The following BPIFB3 variants were observed in gnomAD, a reference collection of about 807,000 sequenced individuals.
BPIFB3 encodes BPI fold-containing family B member 3.
Under a neutral mutation model 53.1 loss-of-function variants are expected in BPIFB3, and 49 were observed. The ratio of observed to expected loss-of-function variants is 0.92; its 90% CI spans 0.73 to 1.17. The LOEUF (loss-of-function observed/expected upper bound fraction) is 1.17. Ranked by LOEUF, BPIFB3 falls within the 50% of genes most tolerant of loss-of-function variation. BPIFB3 has a pLI of 0.00. For missense variants in BPIFB3, 628 were observed against 592.5 expected (o/e 1.06, Z -0.62); for synonymous variants, 271 against 269.6 (o/e 1.01, Z -0.05).
intron 9 of BPIFB3, 63 bp downstream of exon 10, chr20:33,066,940 C>A: frequency 6.5e-7 from 1 of 1,544,982 alleles, no homozygotes; most frequent in Non-Finnish European, 8.9e-7. Flanking sequence ...TGAATGGAGT[C>A]CAGAATCTTT....
At position 33,069,852 on chromosome 20, in the gene BPIFB3, G is replaced by T. The variant is rs41289874; in HGVS notation, c.1150-36G>T. Reference sequence around the variant, plus strand: ...GACCCGTCCTCAAGCTCCTTCTGCCGATTGGGGGTGACTTCTGCCTGCTTT... The same window carrying T: ...GACCCGTCCTCAAGCTCCTTCTGCCTATTGGGGGTGACTTCTGCCTGCTTT... On this transcript the variant is annotated intron_variant, in intron 10 of 14. Transcript: ENST00000375494. 14 of 1,612,462 alleles carry T rather than the reference G, an allele frequency of 8.7e-6. No individual in the cohort carries two copies. The South Asian group carries it at 1.1e-4, about 13-fold the overall frequency.
intron 2 of BPIFB3, among the ~76,000 whole-genome samples, chr20:33,058,096 G>A (rs1980294677): frequency 6.6e-6 from 1 of 152,182 alleles, no homozygotes; most frequent in Admixed American, 6.5e-5. Flanking sequence ...AGCCCATACT[G>A]CCTGGTCAAG....
At chr20:33,061,337 A>ATCAT (rs4012503) in intron 4 of BPIFB3, among the ~76,000 whole-genome samples, 13,570 of 151,208 alleles carry the variant, frequency 0.09, 1,052 homozygotes, top group African/African-American at 0.21. Context: ...TCCTCAGGCC[A>ATCAT]TCATTCATTC....
intron 4 of BPIFB3, 102 bp downstream of exon 5, chr20:33,060,133 C>A: frequency 6.8e-7 from 1 of 1,466,050 alleles, no homozygotes; most frequent in Non-Finnish European, 9.2e-7. Context: ...GCTGCGGGGG[C>A]CTGAACTCGT....
chr20:33,068,928 C>G, exon 10 of BPIFB3: 1 of 1,614,054 alleles, frequency 6.2e-7, no homozygotes, highest in Non-Finnish European at 8.5e-7. Context: ...ATGTGCTGTT[C>G]TATGTCCCTA....
exon 1 of BPIFB3, chr20:33,055,520 C>T (rs542805953): frequency 1.8e-5 from 29 of 1,613,620 alleles, no homozygotes; most frequent in African/African-American, 6.7e-5. Context: ...CACGCTCGCT[C>T]GGATTGACAA....
chr20:33,072,751 T>C (rs1980960278), exon 14 of BPIFB3: 1 of 1,613,724 alleles, frequency 6.2e-7, no homozygotes, highest in African/African-American at 1.3e-5. Flanking sequence ...TGCCTAAGGT[T>C]CTTAATATCA....
chr20:33,071,980 C>G, intron 12 of BPIFB3, 124 bp from the exon 14 acceptor site: 1 of 954,846 alleles, frequency 1.0e-6, no homozygotes, highest in Non-Finnish European at 1.7e-6. Context: ...GAGCTGTGTC[C>G]TCAGGCTTGG....
intron 4 of BPIFB3, 76 bp downstream of exon 5, chr20:33,060,107 C>T (rs764999854): frequency 3.9e-6 from 6 of 1,548,932 alleles, no homozygotes; most frequent in African/African-American, 1.4e-5. Flanking sequence ...TCTCCCAGGT[C>T]TCCCTGGAGC....
chr20:33,071,149 T>C, intron 11 of BPIFB3, 104 bp from the exon 13 acceptor site: 1 of 1,202,018 alleles, frequency 8.3e-7, no homozygotes, highest in Non-Finnish European at 1.2e-6. Context: ...GTTGGGCTGG[T>C]AATCCTGTTT....
At chr20:33,055,470 G>A in exon 1 of BPIFB3, 1 of 1,613,754 alleles carries the variant, frequency 6.2e-7, no homozygotes, top group African/African-American at 1.3e-5. Context: ...CTGCTCTGGG[G>A]CCTGGCGACT....
intron 9 of BPIFB3, among the ~76,000 whole-genome samples, chr20:33,067,213 C>A (rs1230832037): frequency 6.6e-6 from 1 of 152,168 alleles, no homozygotes; most frequent in Non-Finnish European, 1.5e-5. Flanking sequence ...TCTTCAATGT[C>A]CCCAGAGAAA....
intron 8 of BPIFB3, among the ~76,000 whole-genome samples, chr20:33,065,557 G>T (rs1480841365): frequency 8.9e-6 from 1 of 112,514 alleles, no homozygotes; most frequent in Admixed American, 9.3e-5. Context: ...AGAAAGAAAA[G>T]AAAAAGAAAG....
At chr20:33,062,792 C>G (rs1306464873) in intron 5 of BPIFB3, among the ~76,000 whole-genome samples, 1 of 152,212 alleles carries the variant, frequency 6.6e-6, no homozygotes, top group Non-Finnish European at 1.5e-5. Flanking sequence ...TCTGGTACCT[C>G]CCATCTGGTG....
At position 33,072,376 on chromosome 20, in the gene BPIFB3, C is replaced by T. The variant is rs138220371; in HGVS notation, c.1324+209C>T. On this transcript the variant is annotated intron_variant, in intron 13 of 14. Transcript: ENST00000375494. ...ATCTTGCCAGCCTATGGACTTCAAG[C>T]GCTGATCTGACCTCAGTCCTGCCTT... 3.3e-3 allele frequency among the ~76,000 whole-genome samples: 506 copies of T among 152,240 alleles called. 3 individuals carry two copies. Among genetic ancestry groups the T allele is most frequent in the Non-Finnish European group, 5.6e-3 (384 of 68,012 alleles).
intron 11 of BPIFB3, among the ~76,000 whole-genome samples, chr20:33,070,524 G>A (rs936661603): frequency 2.0e-5 from 3 of 152,194 alleles, no homozygotes. Context: ...AGGCTCACAC[G>A]GCAGGCCGTC....
intron 14 of BPIFB3, among the ~76,000 whole-genome samples, 191 bp from the exon 16 acceptor site, chr20:33,073,385 T>C (rs1980982908): frequency 6.6e-6 from 1 of 152,058 alleles, no homozygotes; most frequent in African/African-American, 2.4e-5. Context: ...TGAACTTGAG[T>C]CTATTAAGTC....
At chr20:33,070,143 G>C (rs768449126) in intron 11 of BPIFB3, among the ~76,000 whole-genome samples, 188 bp downstream of exon 12, 54 of 152,164 alleles carry the variant, frequency 3.5e-4, no homozygotes, top group Non-Finnish European at 5.9e-4. Context: ...AGGAATCGGG[G>C]GCTCAGAGCA....
Position 33,056,534 on chromosome 20 carries a change from C to T in BPIFB3, c.125-8C>T. 1 of 1,613,738 alleles carries T rather than the reference C, an allele frequency of 6.2e-7. No homozygotes were observed. The highest frequency in any genetic ancestry group is 8.5e-7 in the Non-Finnish European group (1 of 1,179,970). ...TCTAGTACCTTCCTACTTCCACTCTCTCTGCAGCCATCCAGAACTCACTGG... is the reference window on the plus strand; with the variant it reads ...TCTAGTACCTTCCTACTTCCACTCTTTCTGCAGCCATCCAGAACTCACTGG... On this transcript the variant is annotated splice_region_variant and splice_polypyrimidine_tract_variant and intron_variant, in intron 1 of 14. Transcript: ENST00000375494.
Sources: allele counts gnomAD v4.1 joint callset (sites outside exome capture counted in the v4.1 genomes callset), GRCh38; gene constraint gnomAD v4.1.1; transcripts MANE v1.5; gene names NCBI Gene and HGNC (gene_info 2026-07-23, HGNC 2026-07-21).